The following ZNFX1 variants were observed in gnomAD, a reference collection of about 807,000 sequenced individuals.
The protein encoded by ZNFX1 is NFX1-type zinc finger-containing protein 1.
In ZNFX1, 78 loss-of-function variants were observed where a neutral mutation model predicts 179.8. The observed-to-expected ratio is 0.43, with a 90% CI of 0.36 to 0.52. The LOEUF is 0.52. ZNFX1 is among the 20% of genes least tolerant of loss of function. The pLI, the probability that ZNFX1 is intolerant of heterozygous loss-of-function variation, is 0.00. For synonymous variants in ZNFX1, 848 were observed against 868.5 expected (o/e 0.98, Z 0.42); for missense variants, 1,927 against 2,386.6 (o/e 0.81, Z 4.01).
In ZNFX1 at chr20:49,249,133, G is replaced by A; in HGVS notation, c.3891C>T (p.Gly1297=). 1 of 1,614,244 alleles carries A rather than the reference G, an allele frequency of 6.2e-7. No individual in the cohort carries two copies. The highest frequency in any genetic ancestry group is 1.1e-5 in the South Asian group (1 of 91,086). ...AGGCACGGGTGCAGACATGCCCACAGCCCAGGCGGAACTCGCAGGGCAGGC... is the reference window on the plus strand; with the variant it reads ...AGGCACGGGTGCAGACATGCCCACAACCCAGGCGGAACTCGCAGGGCAGGC... ...GCSLPCEFRL[G]CGHVCTRACH... is the part of the protein sequence containing the mutation. The change falls in exon 14 of 14, where the codon GGC becomes GGT. Residue 1297 remains glycine, a synonymous_variant. Coordinates refer to ENST00000396105, the MANE Select transcript of ZNFX1 (RefSeq NM_021035.3).
chr20:49,253,546 G>C, intron 11 of ZNFX1, 120 bp downstream of exon 11: 1 of 1,245,620 alleles, frequency 8.0e-7, no homozygotes, highest in South Asian at 1.5e-5. Flanking sequence ...GTGAAGACAA[G>C]AGGAATCACA....
In ZNFX1 at chr20:49,248,611, G is replaced by T; in HGVS notation, c.4413C>A (p.Cys1471Ter). 1 of 1,614,142 alleles carries T rather than the reference G, an allele frequency of 6.2e-7. No homozygotes were observed. The highest frequency in any genetic ancestry group is 8.5e-7 in the Non-Finnish European group (1 of 1,180,052). ...CQQPCKRLLICSHKCQEPCIG... is the reference protein window; with the variant it reads ...CQQPCKRLLI ...TGCATGGTTCCTGGCACTTGTGTGA[G>T]CAGATAAGCAGGCGCTTGCAGGGCT... The change falls in exon 14 of 14, where the codon TGC becomes TGA. Residue 1471 changes from cysteine (C) to a stop codon, truncating the protein, a stop_gained. Coordinates refer to ENST00000396105, the MANE Select transcript of ZNFX1 (RefSeq NM_021035.3). LOFTEE classifies it high-confidence loss of function. The surrounding 1 kb of genome is among the most constrained non-coding windows in gnomAD (Gnocchi z 4.6).
At position 49,248,902 on chromosome 20, in the gene ZNFX1, C is replaced by G. The variant is rs1409268166; in HGVS notation, c.4122G>C (p.Glu1374Asp). Residue 1374 changes from glutamate (E) to aspartate (D), a missense_variant, in exon 14 of 14, where the codon GAG (glutamate) becomes GAC (aspartate). Coordinates refer to ENST00000396105, the MANE Select transcript of ZNFX1 (RefSeq NM_021035.3). This position sits in a 1 kb window ranked among gnomAD's most constrained non-coding sequence, Gnocchi z 4.6. ...CACATCTCAGAGACTTGGAGCAAGG[C>G]TCCTGGCAGCAGAAATCTGACTCAG... ...SVPESDFCCQ[E>D]PCSKSLRCGH... 1.2e-6 allele frequency: 2 copies of G among 1,614,284 alleles called. No homozygotes were observed. The highest frequency in any genetic ancestry group is 3.3e-5 in the Admixed American group (2 of 60,026).
chr20:49,248,723 T>C lies in ZNFX1; in HGVS notation c.4301A>G (p.Lys1434Arg), dbSNP rs757300114. The C allele has an allele frequency of 5.0e-6, 8 of 1,612,848 alleles. No homozygotes were observed. Among genetic ancestry groups the C allele is most frequent in the Middle Eastern group, 3.3e-4 (2 of 6,084 alleles). The change falls in exon 14 of 14, where the codon AAG becomes AGG. Residue 1434 changes from lysine to arginine, a missense_variant. By Grantham distance (26) the Lys-to-Arg change is conservative. Coordinates refer to ENST00000396105, the MANE Select transcript of ZNFX1 (RefSeq NM_021035.3). The surrounding 1 kb of genome is among the most constrained non-coding windows in gnomAD (Gnocchi z 4.6). ...CCCGCAGTCCAAGATAGTGCCACAC[T>C]TTGTGGTACACTTGACTAGCAGACC... ...YGGLLVKCTT[K>R]CGTILDCGHP...
At chr20:49,265,361 T>C (rs78796246) in intron 4 of ZNFX1, among the ~76,000 whole-genome samples, 2,336 of 152,370 alleles carry the variant, frequency 0.015, 61 homozygotes, top group South Asian at 0.071. Flanking sequence ...AGTAGAAACA[T>C]AGGCCCAGTT....
At position 49,270,596 on chromosome 20, in the gene ZNFX1, C is replaced by T. The variant is rs145355384; in HGVS notation, c.1216G>A (p.Asp406Asn). Residue 406 changes from aspartate (D) to asparagine (N), a missense_variant, in exon 3 of 14, where the codon GAT (aspartate) becomes AAT (asparagine). Asp to Asn is a conservative substitution (Grantham distance 23). Transcript: ENST00000396105. The surrounding 1 kb of genome is among the most constrained non-coding windows in gnomAD (Gnocchi z 4.6). The stretch of plus-strand genomic sequence containing the variant: ...GTGTCAAAGTAGATTCGGATGTCAT[C>T]AAACTTTCTCTTCCTCAGGCCCTGG... ...EDQGLRKRKF[D>N]DIRIYFDTRI... The T allele has an allele frequency of 6.8e-6, 11 of 1,614,058 alleles. No individual in the cohort carries two copies. In the African/African-American group the frequency reaches 1.5e-4, roughly 22 times the overall value.
Position 49,263,216 on chromosome 20 carries a change from A to ACATTGTGGCAGCATCAGATTAT in ZNFX1, c.2301+96_2301+117dup, listed in dbSNP as rs1171441035. On this transcript the variant is annotated intron_variant, in intron 6 of 13. Transcript: ENST00000396105. ...CTCTCATCACAAAAGGGAACTTTACACATTGTGGCAGCATCAGATTATCAA... is the reference window on the plus strand; with the variant it reads ...CTCTCATCACAAAAGGGAACTTTACACATTGTGGCAGCATCAGATTATCATTGTGGCAGCATCAGATTATCAA... The ACATTGTGGCAGCATCAGATTAT allele has an allele frequency of 3.6e-5, 46 of 1,280,190 alleles. No homozygotes were observed. The African/African-American group carries it at 5.7e-4, about 16-fold the overall frequency. The allele number at this position is 1,280,190 out of a possible 1,614,324, so 79.3% of individuals were successfully genotyped here.
chr20:49,269,818 TAAAATA>T lies in ZNFX1; in HGVS notation c.1870+118_1870+123del, dbSNP rs1886596662. On this transcript the variant is annotated intron_variant, in intron 3 of 13. Transcript: ENST00000396105. ...AAACCTGCACATGTACCCCTAAACC[TAAAATA>T]AAAGTTGGAAAATAAAATAAGTAAA... 3.2e-6 allele frequency: 4 copies of T among 1,254,184 alleles called. No homozygotes were observed. The Admixed American group carries it at 7.2e-5, about 23-fold the overall frequency. The allele number at this position is 1,254,184 out of a possible 1,614,324, so 77.7% of individuals were successfully genotyped here. A position where few individuals can be genotyped will look rare whatever the true frequency, so the allele number is the denominator to read the frequency against.
intron 2 of ZNFX1, 95 bp from the exon 3 acceptor site, chr20:49,271,845 C>T (rs532318894): frequency 5.2e-5 from 74 of 1,412,370 alleles, no homozygotes; most frequent in Non-Finnish European, 6.7e-5. Flanking sequence ...TCCAAAATAA[C>T]TAAAGAGCTC....
chr20:49,270,446 T>C lies in ZNFX1; in HGVS notation c.1366A>G (p.Met456Val). Residue 456 changes from methionine (M) to valine (V), a missense_variant, in exon 3 of 14, where the codon ATG (methionine) becomes GTG (valine). Transcript: ENST00000396105. The surrounding 1 kb of genome is among the most constrained non-coding windows in gnomAD (Gnocchi z 4.6). ...KRLLYGSLVC[M>V]SKDNFETFLF... The stretch of plus-strand genomic sequence containing the variant: ...AATGTCTCGAAGTTGTCCTTGGACA[T>C]GCATACCAAAGACCCATAGAGCAAT... The C allele has an allele frequency of 1.9e-6, 3 of 1,614,222 alleles. No individual in the cohort carries two copies. The highest frequency in any genetic ancestry group is 2.5e-6 in the Non-Finnish European group (3 of 1,180,042).
chr20:49,249,744 T>C (rs200291737), intron 13 of ZNFX1, 33 bp from the exon 14 acceptor site: 1 of 1,579,050 alleles, frequency 6.3e-7, no homozygotes, highest in East Asian at 2.2e-5. Flanking sequence ...TGTTAAAAGG[T>C]TCACTCATGG....
intron 8 of ZNFX1, among the ~76,000 whole-genome samples, chr20:49,257,092 A>G (rs1980987802): frequency 6.6e-6 from 1 of 152,210 alleles, no homozygotes; most frequent in Non-Finnish European, 1.5e-5. Context: ...TTTGAAATAG[A>G]GAAAACAACA....
chr20:49,257,123 T>C (rs1417937876), intron 8 of ZNFX1, among the ~76,000 whole-genome samples: 1 of 152,238 alleles, frequency 6.6e-6, no homozygotes, highest in Non-Finnish European at 1.5e-5. Flanking sequence ...CATTAAGTAC[T>C]GAGACCGTGT....
At position 49,269,970 on chromosome 20, in the gene ZNFX1, C is replaced by T. The variant is rs746638293; in HGVS notation, c.1842G>A (p.Leu614=). Residue 614 remains leucine, a synonymous_variant, in exon 3 of 14, where the codon CTG becomes CTA. Transcript: ENST00000396105. ...EALQFALTRE[L]AIIQGPPGTG... is the part of the protein sequence containing the mutation. ...TTCCAGGAGGTCCTTGAATAATAGC[C>T]AGTTCCCTTGTGAGAGCAAACTGCA... 18 of 1,610,438 alleles carry T rather than the reference C, an allele frequency of 1.1e-5. No individual in the cohort carries two copies. Among genetic ancestry groups the T allele is most frequent in the Non-Finnish European group, 1.5e-5 (18 of 1,179,120 alleles).
Position 49,270,807 on chromosome 20 carries a change from G to A in ZNFX1, c.1005C>T (p.Thr335=), listed in dbSNP as rs1315008702. ...CATTGTAGGTAGGGTAAATGGGCATGGTTCGGTAGCTCTCAACATGGTCTT... is the reference window on the plus strand; with the variant it reads ...CATTGTAGGTAGGGTAAATGGGCATAGTTCGGTAGCTCTCAACATGGTCTT... ...EAEDHVESYR[T]MPIYPTYNEV... Residue 335 remains threonine, a synonymous_variant, in exon 3 of 14, where the codon ACC becomes ACT. Coordinates refer to ENST00000396105, the MANE Select transcript of ZNFX1 (RefSeq NM_021035.3). The surrounding 1 kb of genome is among the most constrained non-coding windows in gnomAD (Gnocchi z 4.6). 4 of 1,614,170 alleles carry A rather than the reference G, an allele frequency of 2.5e-6. No individual in the cohort carries two copies. The highest frequency in any genetic ancestry group is 3.4e-6 in the Non-Finnish European group (4 of 1,180,026).
rs754588307 is a variant in ZNFX1, at chr20:49,257,639, T to C, written c.2442A>G (p.Glu814=). ...NTAQAEGDEE[E]EGEEESSLIE... The stretch of plus-strand genomic sequence containing the variant: ...TCAGCGAACTCTCCTCCTCCCCTTC[T>C]TCCTCCTCATCCCCTTCTGCCTGGG... Residue 814 remains glutamate, a synonymous_variant, in exon 8 of 14, where the codon GAA becomes GAG. Transcript: ENST00000396105. The C allele has an allele frequency of 1.4e-5, 23 of 1,613,408 alleles. No individual in the cohort carries two copies. Among genetic ancestry groups the C allele is most frequent in the Non-Finnish European group, 1.6e-5 (19 of 1,179,930 alleles).
chr20:49,253,577 A>T, intron 11 of ZNFX1, 89 bp downstream of exon 11: 1 of 1,506,202 alleles, frequency 6.6e-7, no homozygotes, highest in Non-Finnish European at 9.1e-7. Flanking sequence ...AATAAGCTTG[A>T]GGACTGTTGA....
rs200359370 is a variant in ZNFX1 at position 49,264,723 on chromosome 20, T to G, written c.2144A>C (p.Tyr715Ser). 6.2e-7 allele frequency: 1 copy of G among 1,613,826 alleles called. No individual in the cohort carries two copies. Among genetic ancestry groups the G allele is most frequent in the East Asian group, 2.2e-5 (1 of 44,900 alleles). The change falls in exon 5 of 14, where the codon TAC becomes TCC. Residue 715 changes from tyrosine to serine, a missense_variant. Transcript: ENST00000396105. ...TTCAGAGCTGGGACTTACACTCATG[T>G]AGGCCCTTCGGAGGTGCATGGGGAG... ...RNLPMHLRRA[Y>S]MSIMTQMKES... is the part of the protein sequence containing the mutation.
Position 49,248,525 on chromosome 20 carries a change from T to C in ZNFX1, c.4499A>G (p.Lys1500Arg). 6.2e-7 allele frequency: 1 copy of C among 1,614,206 alleles called. No individual in the cohort carries two copies. Among genetic ancestry groups the C allele is most frequent in the Non-Finnish European group, 8.5e-7 (1 of 1,180,036 alleles). ...ACTACACAGCTCCCCACATTTCTTC[T>C]TGCACTGGCTGTGGACACAGCGGTT... The part of the protein sequence containing the change: ...CQNRCVHSQC[K>R]KKCGELCSPC... Residue 1500 changes from lysine (K) to arginine (R), a missense_variant, in exon 14 of 14, where the codon AAG becomes AGG. By Grantham distance (26) the Lys-to-Arg change is conservative. Coordinates refer to ENST00000396105, the MANE Select transcript of ZNFX1 (RefSeq NM_021035.3). The surrounding 1 kb of genome is among the most constrained non-coding windows in gnomAD (Gnocchi z 4.6).
Sources: allele counts gnomAD v4.1 joint callset (sites outside exome capture counted in the v4.1 genomes callset), GRCh38; gene constraint gnomAD v4.1.1; non-coding constraint Gnocchi (gnomAD v3.1); transcripts MANE v1.5; gene names NCBI Gene and HGNC (gene_info 2026-07-23, HGNC 2026-07-21).